Variants in DNAJC1 observed in about 807,000 individuals in gnomAD.
DNAJC1 encodes the protein dnaJ homolog subfamily C member 1.
A neutral mutation model predicts 76.6 loss-of-function variants in DNAJC1; 58 were observed. The ratio of observed to expected loss-of-function variants is 0.76; its 90% CI spans 0.61 to 0.94. The LOEUF (loss-of-function observed/expected upper bound fraction) is 0.94. Ranked by LOEUF, DNAJC1 falls within the 40% of genes least tolerant of loss-of-function variation. The probability of loss-of-function intolerance (pLI) is 0.00; values close to 1 mark genes in which losing one functional copy is unlikely to be tolerated. For synonymous variants in DNAJC1, 258 were observed against 267.9 expected (o/e 0.96, Z 0.36); for missense variants, 689 against 677.3 (o/e 1.02, Z -0.19).
intron 8 of DNAJC1, among the ~76,000 whole-genome samples, chr10:21,810,125 T>C (rs1264990212): frequency 6.6e-6 from 1 of 152,066 alleles, no homozygotes; most frequent in Non-Finnish European, 1.5e-5. Context: ...GGCTTCAACA[T>C]GTGAATTTGG....
intron 8 of DNAJC1, among the ~76,000 whole-genome samples, chr10:21,828,573 A>G (rs945654242): frequency 6.6e-6 from 1 of 152,202 alleles, no homozygotes; most frequent in African/African-American, 2.4e-5. Flanking sequence ...ATTTAAACAT[A>G]TGATAGAAGT....
intron 1 of DNAJC1, among the ~76,000 whole-genome samples, chr10:21,999,273 G>C (rs1239176299): frequency 2.0e-5 from 3 of 152,076 alleles, no homozygotes; most frequent in African/African-American, 7.2e-5. Context: ...TAATTCCAAC[G>C]GTGAAGTCTC....
intron 1 of DNAJC1, among the ~76,000 whole-genome samples, chr10:21,974,439 T>C (rs1838031189): frequency 6.6e-6 from 1 of 152,222 alleles, no homozygotes; most frequent in Non-Finnish European, 1.5e-5. Flanking sequence ...CAGAGCCGAT[T>C]AAGATGCACA....
rs867204985 is a variant in DNAJC1 at position 22,003,656 on chromosome 10, C to T, written c.-222G>A. The T allele has an allele frequency of 8.9e-6, 4 of 447,412 alleles. No individual in the cohort carries two copies. The highest frequency in any genetic ancestry group is 1.5e-5 in the Non-Finnish European group (4 of 272,206). 27.7% of individuals were successfully genotyped at this position (447,412 alleles called of 1,614,324 possible). Reference sequence around the variant, plus strand: ...TAGGCGGGCGGGGCCGCAGCCAGCGCTACGTTCCGAAGACCCTCGCCCCCA... The same window carrying T: ...TAGGCGGGCGGGGCCGCAGCCAGCGTTACGTTCCGAAGACCCTCGCCCCCA... On this transcript the variant is annotated 5_prime_UTR_variant, in exon 1 of 12. Coordinates refer to ENST00000376980, the MANE Select transcript of DNAJC1 (RefSeq NM_022365.4).
chr10:21,843,968 C>G (rs965391889), intron 8 of DNAJC1, among the ~76,000 whole-genome samples: 3 of 152,046 alleles, frequency 2.0e-5, no homozygotes, highest in Admixed American at 2.0e-4. Flanking sequence ...GGGAGTTTCC[C>G]CCATACTGTT....
intron 8 of DNAJC1, among the ~76,000 whole-genome samples, chr10:21,851,680 C>T (rs1387048666): frequency 1.3e-5 from 2 of 152,176 alleles, no homozygotes; most frequent in African/African-American, 4.8e-5. Flanking sequence ...TAACCATACA[C>T]ACATTTGTAG....
intron 1 of DNAJC1, among the ~76,000 whole-genome samples, chr10:21,985,928 TA>T (rs542204939): frequency 5.4e-5 from 8 of 148,428 alleles, no homozygotes; most frequent in South Asian, 2.1e-4. Context: ...ACTTTTTTAT[TA>T]AAAAAAAAAC....
intron 3 of DNAJC1, among the ~76,000 whole-genome samples, chr10:21,926,138 G>A (rs1837123996): frequency 6.6e-6 from 1 of 152,090 alleles, no homozygotes; most frequent in Non-Finnish European, 1.5e-5. Flanking sequence ...TTTTTGCAGA[G>A]ACGAGGTTTT....
intron 7 of DNAJC1, among the ~76,000 whole-genome samples, chr10:21,889,727 C>A (rs1296758389): frequency 6.6e-6 from 1 of 152,128 alleles, no homozygotes; most frequent in Non-Finnish European, 1.5e-5. Context: ...CACAGACACA[C>A]ACATACAGGC....
intron 1 of DNAJC1, among the ~76,000 whole-genome samples, chr10:21,963,955 C>A (rs536980944): frequency 4.6e-5 from 7 of 152,108 alleles, no homozygotes; most frequent in Admixed American, 4.6e-4. Flanking sequence ...TCTTAGGGAC[C>A]ACAGGCCTTA....
chr10:21,803,589 CTGTGTGTGTGTGTGTGTGTG>C (rs113615504), intron 9 of DNAJC1, among the ~76,000 whole-genome samples: 1 of 140,654 alleles, frequency 7.1e-6, no homozygotes, highest in Non-Finnish European at 1.6e-5. Context: ...GAGTGATTTT[CTGTGTGTGTGTGTGTGTGTG>C]TGTGTGTGTG....
At chr10:21,871,988 C>T (rs2131709791) in intron 8 of DNAJC1, among the ~76,000 whole-genome samples, 1 of 151,488 alleles carries the variant, frequency 6.6e-6, no homozygotes, top group East Asian at 1.9e-4. Flanking sequence ...AGAAATGAGA[C>T]AGTATGGCTG....
chr10:22,003,109 G>T, intron 1 of DNAJC1, 104 bp downstream of exon 1: 1 of 1,340,400 alleles, frequency 7.5e-7, no homozygotes. Flanking sequence ...AGAGCCCGGG[G>T]TGACCAAGCC....
intron 8 of DNAJC1, among the ~76,000 whole-genome samples, chr10:21,830,666 A>C (rs1452227174): frequency 1.3e-5 from 2 of 152,184 alleles, no homozygotes; most frequent in African/African-American, 4.8e-5. Flanking sequence ...AAAAATTATA[A>C]TACTGCATTT....
chr10:21,863,537 G>C (rs1428907940), intron 8 of DNAJC1, among the ~76,000 whole-genome samples: 2 of 151,928 alleles, frequency 1.3e-5, no homozygotes, highest in Admixed American at 1.3e-4. Context: ...AAAAAAAATA[G>C]ACAAAAATAT....
intron 8 of DNAJC1, among the ~76,000 whole-genome samples, chr10:21,871,662 T>C (rs1836106632): frequency 6.6e-6 from 1 of 152,074 alleles, no homozygotes; most frequent in Non-Finnish European, 1.5e-5. Context: ...TTATTATTAT[T>C]TTTGAGACAG....
At chr10:21,873,601 C>T (rs534973411) in intron 8 of DNAJC1, among the ~76,000 whole-genome samples, 13 of 152,200 alleles carry the variant, frequency 8.5e-5, no homozygotes, top group African/African-American at 2.4e-4. Flanking sequence ...ACCTGCCCTA[C>T]AACAAATGCG....
At chr10:21,994,927 T>G (rs1838391567) in intron 1 of DNAJC1, among the ~76,000 whole-genome samples, 2 of 148,190 alleles carry the variant, frequency 1.3e-5, no homozygotes, top group African/African-American at 4.9e-5. Context: ...TTATATATAC[T>G]TATATATTAA....
intron 9 of DNAJC1, among the ~76,000 whole-genome samples, chr10:21,801,664 T>G (rs1834815013): frequency 6.6e-6 from 1 of 152,158 alleles, no homozygotes; most frequent in South Asian, 2.1e-4. Context: ...TGTAAATCAT[T>G]CTACCATAAA....
Sources: gnomAD v4.1 joint callset for allele counts (sites outside exome capture counted in the v4.1 genomes callset) on GRCh38, gnomAD v4.1.1 for gene constraint, MANE v1.5 for transcripts, NCBI Gene and HGNC (gene_info 2026-07-23, HGNC 2026-07-21) for gene names.